Variants in INPP5F observed in about 807,000 individuals in gnomAD.
INPP5F encodes inositol polyphosphate-5-phosphatase F.
A neutral mutation model predicts 137.2 loss-of-function variants in INPP5F; 97 were observed. The observed-to-expected ratio is 0.71, with a 90% CI of 0.60 to 0.84. The LOEUF is 0.84. Among genes scored for constraint, INPP5F ranks in the 40% least tolerant of loss-of-function variants. INPP5F has a pLI of 0.00. For synonymous variants in INPP5F, 504 were observed against 476.9 expected, an observed-to-expected ratio of 1.06 and a Z score of -0.74; for missense variants, 1,271 against 1,371.9, an observed-to-expected ratio of 0.93 and a Z score of 1.16.
intron 2 of INPP5F, among the ~76,000 whole-genome samples, chr10:119,758,837 C>T (rs570146822): frequency 5.3e-5 from 8 of 152,228 alleles, no homozygotes; most frequent in Admixed American, 2.0e-4. Context: ...GTAGTGGTGA[C>T]GATGTCTCAG....
chr10:119,738,772 A>G (rs1432503287), intron 1 of INPP5F, among the ~76,000 whole-genome samples: 6 of 152,152 alleles, frequency 3.9e-5, no homozygotes, highest in Admixed American at 6.5e-5. Flanking sequence ...TGTGTCAGTT[A>G]CAGTACCTGC....
intron 1 of INPP5F, among the ~76,000 whole-genome samples, chr10:119,729,096 T>A (rs1450544261): frequency 2.6e-5 from 4 of 152,014 alleles, no homozygotes; most frequent in Non-Finnish European, 5.9e-5. Context: ...AAATAAGATG[T>A]TGTATTATGT....
rs1270348953 is a variant in INPP5F, at chr10:119,811,873, C to T, written c.1804C>T (p.Leu602Phe). The change falls in exon 15 of 20, where the codon CTC becomes TTC. Residue 602 changes from leucine (L) to phenylalanine (F), a missense_variant. Around this residue, in one of 6 missense-constraint regions of INPP5F, gnomAD observed 593 missense variants for 712.4 expected, o/e 0.83. Transcript: ENST00000650623. ...AAGCCACCAGGAACTAATTAGCCAG[C>T]TCTTACAAAGTTACATGAAGTTACT... ...QRSHQELISQ[L>F]LQSYMKLLLP... The T allele has an allele frequency of 1.3e-5, 21 of 1,614,032 alleles. No homozygotes were observed. Among genetic ancestry groups the T allele is most frequent in the Non-Finnish European group, 1.8e-5 (21 of 1,179,994 alleles).
At chr10:119,812,206 C>T (rs1378536241) in intron 15 of INPP5F, among the ~76,000 whole-genome samples, 3 of 152,170 alleles carry the variant, frequency 2.0e-5, no homozygotes, top group Non-Finnish European at 2.9e-5. Flanking sequence ...ATTCAAATTG[C>T]CAAACTACAG....
intron 1 of INPP5F, among the ~76,000 whole-genome samples, chr10:119,733,884 T>C (rs1442555620): frequency 6.6e-6 from 1 of 152,204 alleles, no homozygotes; most frequent in Non-Finnish European, 1.5e-5. Flanking sequence ...GCTGGATCCC[T>C]AGCACCTGGC....
At chr10:119,757,607 A>G (rs1484526607) in intron 2 of INPP5F, among the ~76,000 whole-genome samples, 1 of 151,860 alleles carries the variant, frequency 6.6e-6, no homozygotes, top group Non-Finnish European at 1.5e-5. Flanking sequence ...GCCTGACCAC[A>G]TGGTGAAACC....
At chr10:119,823,016 G>T in intron 17 of INPP5F, 55 bp from the exon 18 acceptor site, 1 of 1,511,858 alleles carries the variant, frequency 6.6e-7, no homozygotes, top group Non-Finnish European at 9.0e-7. Context: ...TAAGATAATA[G>T]AAGAAAATGT....
intron 13 of INPP5F, among the ~76,000 whole-genome samples, chr10:119,809,835 T>G (rs1850957857): frequency 1.3e-5 from 2 of 152,226 alleles, no homozygotes; most frequent in Non-Finnish European, 1.5e-5. Context: ...TTCTAGAAAT[T>G]CTACAAATTG....
intron 1 of INPP5F, among the ~76,000 whole-genome samples, chr10:119,740,700 A>G (rs1458906423): frequency 2.0e-5 from 3 of 151,830 alleles, no homozygotes; most frequent in Non-Finnish European, 4.4e-5. Context: ...CTGCCACCAC[A>G]CCCAGCTAAT....
intron 1 of INPP5F, among the ~76,000 whole-genome samples, chr10:119,750,753 G>A (rs1234447458): frequency 2.0e-5 from 3 of 152,152 alleles, no homozygotes; most frequent in Non-Finnish European, 2.9e-5. Flanking sequence ...AGGACCACAC[G>A]CAGCTCCTCC....
chr10:119,769,731 G>A (rs1215256234), intron 2 of INPP5F, among the ~76,000 whole-genome samples: 2 of 152,088 alleles, frequency 1.3e-5, no homozygotes, highest in Admixed American at 6.6e-5. Flanking sequence ...CTCAGATTGG[G>A]GCTTAAACCA....
intron 2 of INPP5F, among the ~76,000 whole-genome samples, chr10:119,761,846 A>G (rs1360445917): frequency 6.6e-6 from 1 of 152,216 alleles, no homozygotes; most frequent in African/African-American, 2.4e-5. Flanking sequence ...TTGGAGCATA[A>G]TTGGAGCATA....
At position 119,775,647 on chromosome 10, in the gene INPP5F, G is replaced by C. The variant is rs1180283834; in HGVS notation, c.179-5988G>C. On this transcript the variant is annotated intron_variant, in intron 2 of 19. Transcript: ENST00000650623. Reference sequence around the variant, plus strand: ...TTTCTAGATTTGGAATTCTTTTAAAGACAAGTACAGAGTCATTGGAAAAAA... The same window carrying C: ...TTTCTAGATTTGGAATTCTTTTAAACACAAGTACAGAGTCATTGGAAAAAA... Among the ~76,000 whole-genome samples the C allele has an allele frequency of 2.1e-5, 3 of 145,806 alleles. No homozygotes were observed. In the Admixed American group the frequency reaches 2.1e-4, roughly 10 times the overall value.
intron 3 of INPP5F, among the ~76,000 whole-genome samples, chr10:119,785,284 C>CTTTTTTTTTTTTTTTTT (rs1440327192): frequency 2.5e-5 from 2 of 81,598 alleles, no homozygotes; most frequent in Non-Finnish European, 5.4e-5. Context: ...AACTGCCAGA[C>CTTTTTTTTTTTTTTTTT]TGTTTTTTTT....
chr10:119,726,348 A>C lies in INPP5F; in HGVS notation c.86A>C (p.Gln29Pro). 2 of 1,428,804 alleles carry C rather than the reference A, an allele frequency of 1.4e-6. No individual in the cohort carries two copies. Among genetic ancestry groups the C allele is most frequent in the East Asian group, 3.2e-5 (1 of 31,484 alleles). 88.5% of individuals were successfully genotyped at this position (1,428,804 alleles called of 1,614,324 possible). Residue 29 changes from glutamine (Q) to proline (P), a missense_variant, in exon 1 of 20, where the codon CAG becomes CCG. Transcript: ENST00000650623. ...LWCSRRDGGL[Q>P]LRPATDLLLA... ...TGCAGCCGCCGCGACGGCGGCCTCC[A>C]GCTCCGACCCGGTGAGGCTGGCGGT...
At chr10:119,806,328 T>A in intron 11 of INPP5F, 32 bp from the exon 12 acceptor site, 1 of 1,414,698 alleles carries the variant, frequency 7.1e-7, no homozygotes. Context: ...TTATTTTATA[T>A]TGTAAAATAA....
intron 12 of INPP5F, among the ~76,000 whole-genome samples, chr10:119,807,141 C>T (rs1850825580): frequency 6.6e-6 from 1 of 152,104 alleles, no homozygotes; most frequent in African/African-American, 2.4e-5. Flanking sequence ...GGCGTGGTGG[C>T]CGTCATCTGT....
chr10:119,750,184 T>G (rs927617794), intron 1 of INPP5F, among the ~76,000 whole-genome samples: 1 of 152,268 alleles, frequency 6.6e-6, no homozygotes, highest in African/African-American at 2.4e-5. Context: ...GTATAATTAC[T>G]CTGTGAGTTA....
chr10:119,823,715 A>G, intron 18 of INPP5F, 100 bp from the exon 19 acceptor site: 1 of 768,062 alleles, frequency 1.3e-6, no homozygotes, highest in Admixed American at 3.2e-5. Flanking sequence ...GTATTTAATT[A>G]TACGACGACA....
Sources: allele counts gnomAD v4.1 joint callset (sites outside exome capture counted in the v4.1 genomes callset), GRCh38; gene constraint gnomAD v4.1.1; regional missense constraint gnomAD v4.1.1; transcripts MANE v1.5; gene names NCBI Gene and HGNC (gene_info 2026-07-23, HGNC 2026-07-21).